The following CDH19 variants were observed in gnomAD, a reference collection of about 807,000 sequenced individuals.
The protein encoded by CDH19 is cadherin-19.
Under a neutral mutation model 64.2 loss-of-function variants are expected in CDH19, and 67 were observed. The observed-to-expected ratio is 1.04, with a 90% CI of 0.86 to 1.28. The LOEUF is 1.28. Among genes scored for constraint, CDH19 ranks in the 50% most tolerant of loss-of-function variants. The pLI is 0.00. For synonymous variants in CDH19, 346 were observed against 319.3 expected (o/e 1.08, Z -0.89); for missense variants, 1,030 against 929.0 (o/e 1.11, Z -1.41).
At chr18:66,555,814 T>A (rs1987496590) in intron 3 of CDH19, among the ~76,000 whole-genome samples, 1 of 151,820 alleles carries the variant, frequency 6.6e-6, no homozygotes, top group African/African-American at 2.4e-5. Flanking sequence ...ACTATCCTTC[T>A]ATGCACCGAT....
At chr18:66,550,143 T>C (rs1445681822) in intron 5 of CDH19, among the ~76,000 whole-genome samples, 2 of 152,176 alleles carry the variant, frequency 1.3e-5, no homozygotes, top group Admixed American at 1.3e-4. Flanking sequence ...GCATGATAAT[T>C]ACTTATGCTT....
intron 1 of CDH19, among the ~76,000 whole-genome samples, chr18:66,590,653 A>G (rs1202691019): frequency 6.6e-6 from 1 of 152,036 alleles, no homozygotes; most frequent in Non-Finnish European, 1.5e-5. Context: ...CAATATTTGT[A>G]TATGTATTTA....
At chr18:66,526,791 A>C (rs550045455) in intron 9 of CDH19, among the ~76,000 whole-genome samples, 98 of 152,194 alleles carry the variant, frequency 6.4e-4, no homozygotes, top group African/African-American at 2.2e-3. Context: ...GTTTGTGTGA[A>C]GAATGACAAT....
chr18:66,527,173 A>C (rs1039196379), intron 9 of CDH19, among the ~76,000 whole-genome samples: 1 of 151,868 alleles, frequency 6.6e-6, no homozygotes, highest in East Asian at 1.9e-4. Context: ...GTATACATAT[A>C]TATTAAGTTT....
intron 9 of CDH19, among the ~76,000 whole-genome samples, chr18:66,522,888 T>A (rs115761763): frequency 6.6e-6 from 1 of 151,742 alleles, no homozygotes; most frequent in Non-Finnish European, 1.5e-5. Flanking sequence ...AAATAATGTT[T>A]ACCTATAAAT....
intron 3 of CDH19, 34 bp downstream of exon 3, chr18:66,568,382 T>G: frequency 6.6e-7 from 1 of 1,516,564 alleles, no homozygotes; most frequent in Non-Finnish European, 9.0e-7. Context: ...GCTTCATTGT[T>G]AATATATCTT....
intron 1 of CDH19, among the ~76,000 whole-genome samples, chr18:66,589,266 A>C (rs533799155): frequency 4.6e-5 from 7 of 150,738 alleles, no homozygotes; most frequent in Middle Eastern, 3.6e-3. Context: ...ATATATATAC[A>C]CACATATATA....
chr18:66,532,563 A>G, intron 8 of CDH19: 1 of 316,136 alleles, frequency 3.2e-6, no homozygotes, highest in South Asian at 2.8e-5. Context: ...TTTGTATGTA[A>G]GTTTTTTCTT....
intron 4 of CDH19, among the ~76,000 whole-genome samples, chr18:66,552,570 T>C (rs1053131963): frequency 9.6e-6 from 1 of 103,846 alleles, no homozygotes; most frequent in Non-Finnish European, 1.8e-5. Context: ...GAGAGGGACC[T>C]AGGAGTCTTT....
intron 8 of CDH19, among the ~76,000 whole-genome samples, chr18:66,534,326 A>G (rs560375025): frequency 6.6e-6 from 1 of 152,056 alleles, no homozygotes; most frequent in Admixed American, 6.6e-5. Flanking sequence ...ATCGCAAATA[A>G]TATGCGGAGA....
chr18:66,564,500 G>T (rs1987833519), intron 3 of CDH19, among the ~76,000 whole-genome samples: 1 of 151,746 alleles, frequency 6.6e-6, no homozygotes, highest in Non-Finnish European at 1.5e-5. Context: ...ATTTGGTGGA[G>T]GATATTTATT....
At chr18:66,553,945 G>T (rs1035228282) in intron 4 of CDH19, among the ~76,000 whole-genome samples, 3 of 89,864 alleles carry the variant, frequency 3.3e-5, no homozygotes, top group Non-Finnish European at 4.0e-5. Flanking sequence ...CAATGTGTAC[G>T]CTTAGCCTTA....
intron 9 of CDH19, among the ~76,000 whole-genome samples, chr18:66,515,141 A>G (rs1985678720): frequency 6.6e-6 from 1 of 151,734 alleles, no homozygotes; most frequent in Non-Finnish European, 1.5e-5. Context: ...AAAATGTTAA[A>G]CAAAAAGTTG....
At chr18:66,588,825 A>G (rs1019256012) in intron 1 of CDH19, among the ~76,000 whole-genome samples, 1 of 151,674 alleles carries the variant, frequency 6.6e-6, no homozygotes, top group African/African-American at 2.4e-5. Context: ...TGAAGACTGA[A>G]GTGGAATATA....
At position 66,547,914 on chromosome 18, in the gene CDH19, G is replaced by A. The variant is rs947878841; in HGVS notation, c.776-3011C>T. Among the ~76,000 whole-genome samples, 26 of 143,168 alleles carry A rather than the reference G, an allele frequency of 1.8e-4. 1 individual carries two copies. The highest frequency in any genetic ancestry group is 1.8e-3 in the Admixed American group (26 of 14,624). 93.9% of individuals were successfully genotyped at this position (143,168 alleles called of 152,430 possible). ...GATCTCCTGACCTCGTGATCCGCCC[G>A]CCTCGGCCTCCCAAAGTGCTGGGAT... On this transcript the variant is annotated intron_variant, in intron 5 of 11. Transcript: ENST00000262150.
intron 1 of CDH19, among the ~76,000 whole-genome samples, chr18:66,597,425 C>G (rs890556251): frequency 6.6e-6 from 1 of 151,978 alleles, no homozygotes; most frequent in African/African-American, 2.4e-5. Context: ...TTAAACTGGA[C>G]CCCTTCCTTC....
intron 9 of CDH19, among the ~76,000 whole-genome samples, chr18:66,527,132 T>G (rs893095769): frequency 6.6e-5 from 10 of 151,482 alleles, no homozygotes; most frequent in African/African-American, 2.4e-4. Context: ...ATAAATTTTT[T>G]TAAATATCTA....
At chr18:66,526,268 T>A (rs1410315147) in intron 9 of CDH19, among the ~76,000 whole-genome samples, 1 of 152,138 alleles carries the variant, frequency 6.6e-6, no homozygotes, top group East Asian at 1.9e-4. Flanking sequence ...TACATATATG[T>A]ACATTTATAA....
At chr18:66,582,639 CAAA>C (rs11410904) in intron 1 of CDH19, among the ~76,000 whole-genome samples, 2 of 72,878 alleles carry the variant, frequency 2.7e-5, no homozygotes, top group Middle Eastern at 0.011. Flanking sequence ...TTACTGTCAC[CAAA>C]AAAAAAAAAA....
Sources: gnomAD v4.1 joint callset for allele counts (sites outside exome capture counted in the v4.1 genomes callset) on GRCh38, gnomAD v4.1.1 for gene constraint, MANE v1.5 for transcripts, NCBI Gene and HGNC (gene_info 2026-07-23, HGNC 2026-07-21) for gene names.